GREB1: variants seen among roughly 807,000 people sequenced by gnomAD.
GREB1 encodes protein GREB1.
In GREB1, 106 loss-of-function variants were observed where a neutral mutation model predicts 200.7. The observed-to-expected ratio is 0.53, with a 90% CI of 0.45 to 0.62. The LOEUF (loss-of-function observed/expected upper bound fraction) is 0.62. Among genes scored for constraint, GREB1 ranks in the 20% least tolerant of loss-of-function variants. The pLI is 0.00. For synonymous variants in GREB1, 1,132 were observed against 1,092.4 expected (o/e 1.04, Z -0.72); for missense variants, 2,243 against 2,556.8 (o/e 0.88, Z 2.65).
At chr2:11,538,074 C>T (rs1281180013) in intron 1 of GREB1, among the ~76,000 whole-genome samples, 1 of 152,200 alleles carries the variant, frequency 6.6e-6, no homozygotes, top group Non-Finnish European at 1.5e-5. Flanking sequence ...GTACAGACCG[C>T]GTACAGTGTG....
rs1317178882 is a variant in GREB1 at position 11,640,452 on chromosome 2, T to G, written c.5848T>G (p.Ter1950GlyextTer8). 1 of 1,612,886 alleles carries G rather than the reference T, an allele frequency of 6.2e-7. No homozygotes were observed. Among genetic ancestry groups the G allele is most frequent in the Non-Finnish European group, 8.5e-7 (1 of 1,179,336 alleles). Residue 1950 changes from the stop codon to glycine, a stop_lost, in exon 33 of 33, where the codon TGA becomes GGA. Coordinates refer to ENST00000381486, the MANE Select transcript of GREB1 (RefSeq NM_014668.4). The surrounding 1 kb of genome is among the most constrained non-coding windows in gnomAD (Gnocchi z 4.6). Reference sequence around the variant, plus strand: ...CTTTTTTCTGACGGGACGACACATCTGAGGAAGACAGCGGCGAGTTTTCTG... The same window carrying G: ...CTTTTTTCTGACGGGACGACACATCGGAGGAAGACAGCGGCGAGTTTTCTG... ...PLFFLTGRHI[*>G] is the part of the protein sequence containing the mutation.
At chr2:11,622,414 C>T (rs1170747260) in intron 23 of GREB1, among the ~76,000 whole-genome samples, 1 of 152,196 alleles carries the variant, frequency 6.6e-6, no homozygotes, top group African/African-American at 2.4e-5. Context: ...CATTTCTCCC[C>T]TGCCTTCCTA....
intron 4 of GREB1, among the ~76,000 whole-genome samples, chr2:11,567,622 C>T (rs1215233253): frequency 6.6e-6 from 1 of 152,220 alleles, no homozygotes; most frequent in East Asian, 1.9e-4. Context: ...TTTTCCCTTC[C>T]AGCCACCGGC....
At chr2:11,556,248 T>C (rs1676420594) in intron 1 of GREB1, 1 of 158,378 alleles carries the variant, frequency 6.3e-6, no homozygotes, top group Non-Finnish European at 1.4e-5. Context: ...GGGCCATTCG[T>C]CTGCAGGTCA....
At chr2:11,608,686 C>T (rs1682633542) in intron 17 of GREB1, among the ~76,000 whole-genome samples, 1 of 152,194 alleles carries the variant, frequency 6.6e-6, no homozygotes, top group African/African-American at 2.4e-5. Flanking sequence ...TTTCATGACT[C>T]CGAGGTGTTC....
In GREB1 at chr2:11,578,283, C is replaced by T. The variant is rs758347448; in HGVS notation, c.638-14C>T. 3 of 1,608,298 alleles carry T rather than the reference C, an allele frequency of 1.9e-6. No individual in the cohort carries two copies. The South Asian group carries it at 3.3e-5, about 18-fold the overall frequency. ...GAGCGAGTTGGTTTTCACGTGTGCACCTTGCCCCCTTAGAGTTTAGAAGCC... is the reference window on the plus strand; with the variant it reads ...GAGCGAGTTGGTTTTCACGTGTGCATCTTGCCCCCTTAGAGTTTAGAAGCC... On this transcript the variant is annotated splice_polypyrimidine_tract_variant and intron_variant, in intron 5 of 32. Coordinates refer to ENST00000381486, the MANE Select transcript of GREB1 (RefSeq NM_014668.4).
chr2:11,582,095 A>C (rs1318955925), intron 7 of GREB1, among the ~76,000 whole-genome samples: 3 of 152,186 alleles, frequency 2.0e-5, no homozygotes, highest in African/African-American at 7.2e-5. Context: ...CTGTGGCTGC[A>C]GAGCTGGACC....
chr2:11,584,375 TGA>T (rs939614521), intron 7 of GREB1, among the ~76,000 whole-genome samples: 9 of 152,212 alleles, frequency 5.9e-5, no homozygotes, highest in East Asian at 5.8e-4. Context: ...TTGATTTTTT[TGA>T]GTCTGAAATT....
intron 15 of GREB1, among the ~76,000 whole-genome samples, chr2:11,599,462 C>T (rs1164107361): frequency 1.3e-5 from 2 of 151,440 alleles, no homozygotes; most frequent in African/African-American, 2.4e-5. Context: ...ACTTCACCCT[C>T]CTGAATAGCT....
At chr2:11,511,411 T>C (rs1673347622) in intron 1 of GREB1, among the ~76,000 whole-genome samples, 1 of 152,004 alleles carries the variant, frequency 6.6e-6, no homozygotes, top group Non-Finnish European at 1.5e-5. Flanking sequence ...GGAGTAAGAA[T>C]AGAGCAGGGG....
intron 4 of GREB1, among the ~76,000 whole-genome samples, chr2:11,572,668 G>A (rs962143976): frequency 6.6e-6 from 1 of 151,786 alleles, no homozygotes; most frequent in African/African-American, 2.4e-5. Flanking sequence ...CCCCCACTGT[G>A]CTCTCTCCTT....
At chr2:11,634,028 G>A in intron 28 of GREB1, 103 bp from the exon 29 acceptor site, 1 of 1,085,540 alleles carries the variant, frequency 9.2e-7, no homozygotes, top group Non-Finnish European at 1.4e-6. Context: ...GCCCGTCCAG[G>A]TGTTCACGGC....
rs188866955 is a variant in GREB1, at chr2:11,615,130, C to G, written c.3162C>G (p.Ser1054=). The change falls in exon 20 of 33, where the codon TCC becomes TCG. Residue 1054 remains serine (S), a synonymous_variant. Coordinates refer to ENST00000381486, the MANE Select transcript of GREB1 (RefSeq NM_014668.4). ...GTGACCTGCGATTGATAAACTCCTC[C>G]TGCTTGGTGAGAACAGCCTTGGAGC... ...RYCDLRLINS[S]CLVRTALEQE... 4.7e-3 allele frequency: 7,521 copies of G among 1,614,150 alleles called. 32 individuals are homozygous for G. Among genetic ancestry groups the G allele is most frequent in the Middle Eastern group, 0.029 (178 of 6,062 alleles).
chr2:11,628,605 T>C (rs571297264), intron 25 of GREB1, among the ~76,000 whole-genome samples: 5 of 152,328 alleles, frequency 3.3e-5, no homozygotes, highest in Admixed American at 2.0e-4. Flanking sequence ...TCTCCTAACA[T>C]TTTGTTTCTT....
chr2:11,627,092 C>T lies in GREB1; in HGVS notation c.4437C>T (p.His1479=), dbSNP rs1426412002. ...CEQCHQYMGF[H]PRYQLYESTL... is the part of the protein sequence containing the mutation. ...AGTGCCACCAGTACATGGGCTTCCA[C>T]CCCCGCTACCAGGTAGGCCCCAGCA... is the stretch of plus-strand genomic sequence containing the variant. The change falls in exon 25 of 33, where the codon CAC becomes CAT. Residue 1479 remains histidine, a synonymous_variant. Coordinates refer to ENST00000381486, the MANE Select transcript of GREB1 (RefSeq NM_014668.4). 6.3e-7 allele frequency: 1 copy of T among 1,595,922 alleles called. No individual in the cohort carries two copies. The highest frequency in any genetic ancestry group is 1.3e-5 in the African/African-American group (1 of 74,514).
At chr2:11,615,427 G>A (rs552218420) in intron 20 of GREB1, 137 bp downstream of exon 20, 19 of 679,300 alleles carry the variant, frequency 2.8e-5, no homozygotes, top group Admixed American at 8.0e-5. Flanking sequence ...GCTGGACAGC[G>A]GCTCTGGATG....
At chr2:11,586,191 C>T (rs1007021952) in intron 9 of GREB1, among the ~76,000 whole-genome samples, 2 of 152,206 alleles carry the variant, frequency 1.3e-5, no homozygotes, top group Admixed American at 1.3e-4. Context: ...TTCTTTCCTT[C>T]GTTTGCTCAG....
At chr2:11,495,110 C>T (rs1672852576) in intron 1 of GREB1, among the ~76,000 whole-genome samples, 1 of 152,192 alleles carries the variant, frequency 6.6e-6, no homozygotes, top group African/African-American at 2.4e-5. Context: ...AGGCCTGTTA[C>T]ATCGTCTGCT....
chr2:11,611,673 C>T (rs3762575), intron 18 of GREB1, among the ~76,000 whole-genome samples: 58,939 of 151,948 alleles, frequency 0.39, 13,968 homozygotes, highest in East Asian at 0.51. Flanking sequence ...ATGCCCAGGG[C>T]AGTGCCATGC....
Sources: allele counts gnomAD v4.1 joint callset (sites outside exome capture counted in the v4.1 genomes callset), GRCh38; gene constraint gnomAD v4.1.1; non-coding constraint Gnocchi (gnomAD v3.1); transcripts MANE v1.5; gene names NCBI Gene and HGNC (gene_info 2026-07-23, HGNC 2026-07-21).